Variants in PARP9 observed in about 807,000 individuals in gnomAD.
PARP9 encodes poly(ADP-ribose) polymerase family member 9.
In PARP9, 48 loss-of-function variants were observed where a neutral mutation model predicts 68.8. The ratio of observed to expected loss-of-function variants is 0.70; its 90% CI spans 0.55 to 0.89. The LOEUF is 0.89. Among genes scored for constraint, PARP9 ranks in the 40% least tolerant of loss-of-function variants. The probability of loss-of-function intolerance (pLI) is 0.00; values close to 1 mark genes in which losing one functional copy is unlikely to be tolerated. For missense variants in PARP9, 806 were observed against 969.3 expected (o/e 0.83, Z 2.24); for synonymous variants, 309 against 333.8 (o/e 0.93, Z 0.81).
intron 10 of PARP9, chr3:122,535,843 C>CAAAAAAAAAAAAAAAAAA (rs10716375): frequency 2.4e-6 from 2 of 846,204 alleles, no homozygotes; most frequent in Non-Finnish European, 1.4e-6. Flanking sequence ...ATAAGTAAGG[C>CAAAAAAAAAAAAAAAAAA]AAAAAAAAAA....
At position 122,548,430 on chromosome 3, in the gene PARP9, G is replaced by A. The variant is rs558073057; in HGVS notation, c.1326+2154C>T. ...ATGCCGAGAAGTCTCTCTAAAACTC[G>A]GATGTTGCTGTTGGCAGAATCAGAA... On this transcript the variant is annotated intron_variant, in intron 6 of 10. Transcript: ENST00000682323. 7.9e-5 allele frequency among the ~76,000 whole-genome samples: 12 copies of A among 152,252 alleles called. No homozygotes were observed. In the East Asian group the frequency reaches 1.3e-3, roughly 17 times the overall value.
intron 7 of PARP9, among the ~76,000 whole-genome samples, chr3:122,544,779 T>G (rs576731287): frequency 3.9e-5 from 6 of 152,302 alleles, no homozygotes; most frequent in South Asian, 4.1e-4. Context: ...GAGGATGCAG[T>G]GAGCTGAGAT....
chr3:122,560,584 C>T (rs1262718913), intron 1 of PARP9, among the ~76,000 whole-genome samples: 1 of 152,152 alleles, frequency 6.6e-6, no homozygotes, highest in Non-Finnish European at 1.5e-5. Context: ...GATGAGGCTT[C>T]ACCGTGTTAG....
chr3:122,560,672 G>A (rs2080127813), intron 1 of PARP9, among the ~76,000 whole-genome samples: 2 of 152,200 alleles, frequency 1.3e-5, no homozygotes, highest in South Asian at 4.1e-4. Flanking sequence ...AGGCGTGAGC[G>A]ACCGCGCCTG....
chr3:122,547,095 TAC>T (rs1491398580), intron 6 of PARP9, among the ~76,000 whole-genome samples: 23,677 of 127,076 alleles, frequency 0.19, 3,868 homozygotes, highest in Non-Finnish European at 0.26. Flanking sequence ...CATATATATA[TAC>T]ACGTATTTTT....
Position 122,540,574 on chromosome 3 carries a change from G to T in PARP9, c.1663C>A (p.Arg555=). 6.2e-7 allele frequency: 1 copy of T among 1,614,078 alleles called. No homozygotes were observed. Among genetic ancestry groups the T allele is most frequent in the South Asian group, 1.1e-5 (1 of 91,054 alleles). ...ATAACCACCTCAATGAGGTCAGCCC[G>T]GGCTCCTTCAATCTCTAACTCTGTC... The part of the protein sequence containing the change: ...GRTELEIEGA[R]ADLIEVVMNI... The change falls in exon 8 of 11, where the codon CGG becomes AGG. Residue 555 remains arginine, a synonymous_variant. Coordinates refer to ENST00000682323, the MANE Select transcript of PARP9 (RefSeq NM_001146105.2).
chr3:122,556,141 TAAAAAA>T lies in PARP9; in HGVS notation c.50-26_50-21del, dbSNP rs745677021. 9.5e-5 allele frequency: 20 copies of T among 210,234 alleles called. No homozygotes were observed. Among genetic ancestry groups the T allele is most frequent in the Admixed American group, 5.0e-4 (4 of 8,006 alleles). The allele number at this position is 210,234 out of a possible 1,614,324, so 13.0% of individuals were successfully genotyped here. Reference sequence around the variant, plus strand: ...CAGTCTCTGGAAAAGAAGAGAAGATTAAAAAAAAAAAAAAAAAAAAAAAAAAAAAAA... The same window carrying T: ...CAGTCTCTGGAAAAGAAGAGAAGATTAAAAAAAAAAAAAAAAAAAAAAAAA... On this transcript the variant is annotated intron_variant, in intron 3 of 10. Coordinates refer to ENST00000682323, the MANE Select transcript of PARP9 (RefSeq NM_001146105.2).
At chr3:122,532,476 G>A (rs1360275338) in intron 10 of PARP9, 2 of 951,288 alleles carry the variant, frequency 2.1e-6, no homozygotes, top group Non-Finnish European at 2.5e-6. Context: ...AAGGGACTAT[G>A]AAAACTCTGA....
At chr3:122,530,471 C>T (rs2077232063) in intron 10 of PARP9, among the ~76,000 whole-genome samples, 2 of 152,094 alleles carry the variant, frequency 1.3e-5, no homozygotes, top group African/African-American at 4.8e-5. Flanking sequence ...ATTCCCACCA[C>T]TAGAAATGAG....
rs1433033252 is a variant in PARP9 at position 122,550,623 on chromosome 3, T to A, written c.1287A>T (p.Val429=). The change falls in exon 6 of 11, where the codon GTA becomes GTT. Residue 429 remains valine (V), a synonymous_variant. Coordinates refer to ENST00000682323, the MANE Select transcript of PARP9 (RefSeq NM_001146105.2). ...AATCTGTTGGAAAGATCACAAATTTTACAGTTAACTGGTGTTTTACATGGT... is the reference window on the plus strand; with the variant it reads ...AATCTGTTGGAAAGATCACAAATTTAACAGTTAACTGGTGTTTTACATGGT... ...AKDHVKHQLT[V]KFVIFPTDLE... is the part of the protein sequence containing the mutation. The A allele has an allele frequency of 6.2e-7, 1 of 1,613,598 alleles. No individual in the cohort carries two copies. The highest frequency in any genetic ancestry group is 1.1e-5 in the South Asian group (1 of 91,044).
chr3:122,561,765 T>C (rs1195749189), intron 1 of PARP9, among the ~76,000 whole-genome samples: 1 of 152,226 alleles, frequency 6.6e-6, no homozygotes, highest in Non-Finnish European at 1.5e-5. Context: ...TCCATTTCCA[T>C]GGCTTCAACT....
In PARP9 at chr3:122,545,436, G is replaced by A; in HGVS notation, c.1380C>T (p.Tyr460=). 6.2e-7 allele frequency: 1 copy of A among 1,614,184 alleles called. No homozygotes were observed. Among genetic ancestry groups the A allele is most frequent in the South Asian group, 1.1e-5 (1 of 91,084 alleles). The change falls in exon 7 of 11, where the codon TAC becomes TAT. Residue 460 remains tyrosine, a synonymous_variant. Transcript: ENST00000682323. ...KRSKMLSLNN[Y]SVPQSTREEK... ...GCCTGTGAATTTCTTACTCACCACT[G>A]TAATTGTTCAAACTCAGCATCTTGG...
intron 1 of PARP9, 144 bp from the exon 2 acceptor site, chr3:122,559,853 CTGT>C (rs1257328328): frequency 2.2e-5 from 9 of 406,180 alleles, no homozygotes; most frequent in African/African-American, 1.0e-4. Flanking sequence ...CATTGTTTTG[CTGT>C]TGTTGTTACT....
intron 10 of PARP9, chr3:122,532,249 G>T: frequency 2.0e-6 from 2 of 985,424 alleles, no homozygotes; most frequent in Non-Finnish European, 2.4e-6. Context: ...GCCTGGAAAG[G>T]AATTTCTTCA....
intron 3 of PARP9, among the ~76,000 whole-genome samples, chr3:122,556,509 GGACT>G (rs1396756287): frequency 7.2e-5 from 11 of 152,144 alleles, no homozygotes; most frequent in Admixed American, 7.2e-4. Context: ...GTATTGGAAG[GGACT>G]TAATTATGAG....
At position 122,550,601 on chromosome 3, in the gene PARP9, C is replaced by T; in HGVS notation, c.1309G>A (p.Asp437Asn). The T allele has an allele frequency of 6.2e-7, 1 of 1,610,788 alleles. No homozygotes were observed. The highest frequency in any genetic ancestry group is 8.5e-7 in the Non-Finnish European group (1 of 1,177,982). ...LTVKFVIFPT[D>N]LEIYKAFSSE... The stretch of plus-strand genomic sequence containing the variant: ...TAACTTACCTTATATATCTCCAAAT[C>T]TGTTGGAAAGATCACAAATTTTACA... The change falls in exon 6 of 11, where the codon GAT becomes AAT. Residue 437 changes from aspartate to asparagine, a missense_variant. This residue lies in a region of PARP9 where 680 missense variants were observed against 858.8 expected (regional missense o/e 0.79). Coordinates refer to ENST00000682323, the MANE Select transcript of PARP9 (RefSeq NM_001146105.2).
In PARP9 at chr3:122,558,871, C is replaced by T. The variant is rs540871616; in HGVS notation, c.16-404G>A. On this transcript the variant is annotated intron_variant, in intron 2 of 10. Transcript: ENST00000682323. Reference sequence around the variant, plus strand: ...GACTACAGGCATGCACCACCATGCCCAGCTAATTGTTTTTACTTTTTTAGA... The same window carrying T: ...GACTACAGGCATGCACCACCATGCCTAGCTAATTGTTTTTACTTTTTTAGA... Among the ~76,000 whole-genome samples, 12 of 152,272 alleles carry T rather than the reference C, an allele frequency of 7.9e-5. No homozygotes were observed. In the East Asian group the frequency reaches 2.3e-3, roughly 29 times the overall value.
chr3:122,545,651 AG>A (rs1458777640), intron 6 of PARP9, 162 bp from the exon 7 acceptor site: 2 of 644,504 alleles, frequency 3.1e-6, no homozygotes, highest in African/African-American at 3.6e-5. Context: ...CCCAGAGAAG[AG>A]GACCTCAGTC....
At chr3:122,543,372 C>T (rs865892889) in intron 7 of PARP9, among the ~76,000 whole-genome samples, 2 of 150,414 alleles carry the variant, frequency 1.3e-5, no homozygotes, top group Admixed American at 6.6e-5. Flanking sequence ...CCACCTCCCA[C>T]GTTTAAGCGA....
Sources: allele counts gnomAD v4.1 joint callset (sites outside exome capture counted in the v4.1 genomes callset), GRCh38; gene constraint gnomAD v4.1.1; regional missense constraint gnomAD v4.1.1; transcripts MANE v1.5; gene names NCBI Gene and HGNC (gene_info 2026-07-23, HGNC 2026-07-21).